The following MAP7D1 variants were observed in gnomAD, a reference collection of about 807,000 sequenced individuals.
The protein encoded by MAP7D1 is MAP7 domain containing 1, also known as MAP7 domain-containing protein 1.
In MAP7D1, 30 loss-of-function variants were observed where a neutral mutation model predicts 97.5. The observed-to-expected ratio is 0.31, with a 90% CI of 0.23 to 0.42. MAP7D1 has a LOEUF of 0.42. MAP7D1 is among the 10% of genes least tolerant of loss of function. MAP7D1 has a pLI of 1.00. For synonymous variants in MAP7D1, 536 were observed against 477.1 expected, an observed-to-expected ratio of 1.12 and a Z score of -1.61; for missense variants, 1,184 against 1,179.5, an observed-to-expected ratio of 1.00 and a Z score of -0.06.
At chr1:36,172,113 A>T (rs937146935) in intron 3 of MAP7D1, 13 of 198,054 alleles carry the variant, frequency 6.6e-5, no homozygotes, top group African/African-American at 3.0e-4. Context: ...TGACATTCAG[A>T]CCCAGAAGCC....
In MAP7D1 at chr1:36,176,292, T is replaced by C. The variant is rs1370704735; in HGVS notation, c.944T>C (p.Val315Ala). 1.9e-6 allele frequency: 3 copies of C among 1,592,474 alleles called. No individual in the cohort carries two copies. The highest frequency in any genetic ancestry group is 2.6e-6 in the Non-Finnish European group (3 of 1,171,940). ...LSFLARSRSA[V>A]TLPRNGRDQG... ...TTCCTTGCTCGGAGTCGCAGCGCGGTCACACTGCCCCGCAACGGCCGGGAC... is the reference window on the plus strand; with the variant it reads ...TTCCTTGCTCGGAGTCGCAGCGCGGCCACACTGCCCCGCAACGGCCGGGAC... The change falls in exon 7 of 17, where the codon GTC becomes GCC. Residue 315 changes from valine (V) to alanine (A), a missense_variant. Transcript: ENST00000474796. This position sits in a 1 kb window ranked among gnomAD's most constrained non-coding sequence, Gnocchi z 6.1.
rs566510162 is a variant in MAP7D1, at chr1:36,167,451, C to G, written c.47-3520C>G. The stretch of plus-strand genomic sequence containing the variant: ...GGTGTCCTTGAGAAGTGCAATGTTG[C>G]AGAGCAGTGGGGGTAAGGCCTGGCT... On this transcript the variant is annotated intron_variant, in intron 1 of 16. Transcript: ENST00000474796. Among the ~76,000 whole-genome samples the G allele has an allele frequency of 3.3e-4, 50 of 152,276 alleles. No individual in the cohort carries two copies. The Middle Eastern group carries it at 0.01, about 31-fold the overall frequency.
In MAP7D1 at chr1:36,172,533, AGCGCCG is replaced by A. The variant is rs1644559698; in HGVS notation, c.539_544del (p.Arg180_Arg181del). ...GCGCTGCGGGAGAAGCAGCTCCAGG[AGCGCCG>A]GCGCCGGCTGGAGGAGCAACGTCTT... On this transcript the variant is annotated inframe_deletion, in exon 4 of 17. Transcript: ENST00000474796. 1 of 1,602,522 alleles carries A rather than the reference AGCGCCG, an allele frequency of 6.2e-7. No homozygotes were observed. The highest frequency in any genetic ancestry group is 8.5e-7 in the Non-Finnish European group (1 of 1,171,694).
At chr1:36,177,830 G>A (rs901076295) in intron 8 of MAP7D1, 43 bp from the exon 9 acceptor site, 6 of 1,521,010 alleles carry the variant, frequency 3.9e-6, no homozygotes, top group African/African-American at 1.4e-5. Flanking sequence ...CAGCGTGTGG[G>A]TGTGTGTGTC....
Position 36,177,984 on chromosome 1 carries a change from C to T in MAP7D1, c.1491C>T (p.Pro497=), listed in dbSNP as rs199802965. The part of the protein sequence containing the change: ...GHTLPPKPPS[P]RGTTASPKGR... ...CTCTGCCTCCAAAGCCACCGTCCCC[C>T]CGAGGCACCACTGCATCCCCCAAGG... The change falls in exon 9 of 17, where the codon CCC becomes CCT. Residue 497 remains proline, a synonymous_variant. Coordinates refer to ENST00000474796, the MANE Select transcript of MAP7D1 (RefSeq NM_001388490.1). The T allele has an allele frequency of 4.0e-5, 65 of 1,610,862 alleles. No homozygotes were observed. The East Asian group carries it at 4.7e-4, about 12-fold the overall frequency.
intron 8 of MAP7D1, 116 bp from the exon 9 acceptor site, chr1:36,177,757 G>T: frequency 7.1e-7 from 1 of 1,417,464 alleles, no homozygotes; most frequent in Non-Finnish European, 9.3e-7. Flanking sequence ...GAGCAAGGGG[G>T]CGGGGGGCGG....
rs61737152 is a variant in MAP7D1 at position 36,176,548 on chromosome 1, C to A, written c.1200C>A (p.Pro400=). ...ERRKPNAGGS[P]APVRRRPEAS... is the part of the protein sequence containing the mutation. ...GCAAGCCCAACGCCGGGGGCAGCCC[C>A]GCTCCGGTGCGCCGCCGGCCGGAGG... The change falls in exon 7 of 17, where the codon CCC becomes CCA. Residue 400 remains proline, a synonymous_variant. Coordinates refer to ENST00000474796, the MANE Select transcript of MAP7D1 (RefSeq NM_001388490.1). This position sits in a 1 kb window ranked among gnomAD's most constrained non-coding sequence, Gnocchi z 6.1. 1.4e-6 allele frequency: 2 copies of A among 1,447,208 alleles called. No individual in the cohort carries two copies. Among genetic ancestry groups the A allele is most frequent in the Non-Finnish European group, 1.8e-6 (2 of 1,099,774 alleles). The allele number at this position is 1,447,208 out of a possible 1,614,324, so 89.6% of individuals were successfully genotyped here.
rs751927791 is a variant in MAP7D1, at chr1:36,178,578, T to C, written c.1868T>C (p.Leu623Pro). ...QREREEQERR[L>P]QAERDKRMRE... ...GAGCGCGAGGAGCAGGAGCGGAGGC[T>C]GCAGGCAGAAAGGGACAAGTGAGTG... Residue 623 changes from leucine to proline, a missense_variant, in exon 10 of 17, where the codon CTG becomes CCG. Physicochemically the swap from Leu to Pro is moderately conservative, Grantham distance 98. Coordinates refer to ENST00000474796, the MANE Select transcript of MAP7D1 (RefSeq NM_001388490.1). 6.3e-7 allele frequency: 1 copy of C among 1,585,150 alleles called. No homozygotes were observed. The highest frequency in any genetic ancestry group is 8.6e-7 in the Non-Finnish European group (1 of 1,167,936).
chr1:36,163,806 A>G (rs1171060740), intron 1 of MAP7D1, among the ~76,000 whole-genome samples: 2 of 138,616 alleles, frequency 1.4e-5, no homozygotes, highest in Admixed American at 7.7e-5. Context: ...ACATAGATAT[A>G]TACTTTTTTT....
At position 36,177,996 on chromosome 1, in the gene MAP7D1, T is replaced by C. The variant is rs149009853; in HGVS notation, c.1503T>C (p.Thr501=). The change falls in exon 9 of 17, where the codon ACT becomes ACC. Residue 501 remains threonine, a synonymous_variant. Coordinates refer to ENST00000474796, the MANE Select transcript of MAP7D1 (RefSeq NM_001388490.1). ...PPKPPSPRGT[T]ASPKGRVRRK... is the part of the protein sequence containing the mutation. ...AGCCACCGTCCCCCCGAGGCACCAC[T>C]GCATCCCCCAAGGGGCGGGTTCGGA... 3 of 1,612,544 alleles carry C rather than the reference T, an allele frequency of 1.9e-6. No homozygotes were observed. Among genetic ancestry groups the C allele is most frequent in the Non-Finnish European group, 2.5e-6 (3 of 1,179,026 alleles).
At chr1:36,173,504 G>A in intron 5 of MAP7D1, 26 bp downstream of exon 5, 1 of 1,537,112 alleles carries the variant, frequency 6.5e-7, no homozygotes, top group Non-Finnish European at 8.9e-7. Context: ...GGGCTGGGGA[G>A]TGGGTGGGCA....
chr1:36,172,896 A>G (rs1020504197), intron 4 of MAP7D1, among the ~76,000 whole-genome samples: 26 of 152,222 alleles, frequency 1.7e-4, no homozygotes, highest in African/African-American at 5.3e-4. Flanking sequence ...ATGTGTCTGT[A>G]TGTATGCAGG....
At chr1:36,170,494 C>A (rs201291894) in intron 1 of MAP7D1, among the ~76,000 whole-genome samples, 1 of 152,104 alleles carries the variant, frequency 6.6e-6, no homozygotes, top group Non-Finnish European at 1.5e-5. Flanking sequence ...GACATGGAAA[C>A]AATCAGTGCA....
At chr1:36,173,272 G>A in intron 4 of MAP7D1, 92 bp from the exon 5 acceptor site, 1 of 874,110 alleles carries the variant, frequency 1.1e-6, no homozygotes, top group Non-Finnish European at 1.9e-6. Flanking sequence ...GGGAGTGGGG[G>A]AGGCATTGTC....
rs371643371 is a variant in MAP7D1, at chr1:36,156,308, T to TGCCGGGCCGG, written c.-97_-88dup. The TGCCGGGCCGG allele has an allele frequency of 3.2e-6, 3 of 937,168 alleles. No individual in the cohort carries two copies. The highest frequency in any genetic ancestry group is 4.3e-6 in the Non-Finnish European group (3 of 695,650). The allele number at this position is 937,168 out of a possible 1,614,324, so 58.1% of individuals were successfully genotyped here. A position where few individuals can be genotyped will look rare whatever the true frequency, so the allele number is the denominator to read the frequency against. ...GCGCCCCCGCCTCCGAGTCGCTACT[T>TGCCGGGCCGG]GCCGGGCCGGGCCGGGCCGGGCGTG... On this transcript the variant is annotated 5_prime_UTR_variant, in exon 1 of 17. Transcript: ENST00000474796.
In MAP7D1 at chr1:36,176,523, G is replaced by A; in HGVS notation, c.1175G>A (p.Arg392His). 3 of 1,384,512 alleles carry A rather than the reference G, an allele frequency of 2.2e-6. No individual in the cohort carries two copies. Among genetic ancestry groups the A allele is most frequent in the South Asian group, 1.5e-5 (1 of 64,988 alleles). The allele number at this position is 1,384,512 out of a possible 1,614,324, so 85.8% of individuals were successfully genotyped here. Residue 392 changes from arginine (R) to histidine (H), a missense_variant, in exon 7 of 17, where the codon CGC (arginine) becomes CAC (histidine). Coordinates refer to ENST00000474796, the MANE Select transcript of MAP7D1 (RefSeq NM_001388490.1). The surrounding 1 kb of genome is among the most constrained non-coding windows in gnomAD (Gnocchi z 6.1). ...CCCGCCGGTGAGCGCGGGGAGCGCC[G>A]CAAGCCCAACGCCGGGGGCAGCCCC... ...CAPAGERGER[R>H]KPNAGGSPAP... is the part of the protein sequence containing the mutation.
At chr1:36,178,268 G>T in intron 9 of MAP7D1, 67 bp downstream of exon 9, 1 of 1,483,092 alleles carries the variant, frequency 6.7e-7, no homozygotes, top group South Asian at 1.3e-5. Context: ...GTGGGGGTGT[G>T]GGCCGCCAGA....
At position 36,176,868 on chromosome 1, in the gene MAP7D1, C is replaced by A. The variant is rs749953753; in HGVS notation, c.1379+26C>A. 28 of 1,544,886 alleles carry A rather than the reference C, an allele frequency of 1.8e-5. No homozygotes were observed. The highest frequency in any genetic ancestry group is 2.3e-5 in the Non-Finnish European group (26 of 1,137,024). On this transcript the variant is annotated intron_variant, in intron 8 of 16. Coordinates refer to ENST00000474796, the MANE Select transcript of MAP7D1 (RefSeq NM_001388490.1). The surrounding 1 kb of genome is among the most constrained non-coding windows in gnomAD (Gnocchi z 6.1). The stretch of plus-strand genomic sequence containing the variant: ...GTGGGCGCGGGCGGTGCGAGGGACC[C>A]TGCCCCTCACCGGGTCATTTATTCA...
At chr1:36,167,376 A>G (rs1372392310) in intron 1 of MAP7D1, among the ~76,000 whole-genome samples, 2 of 152,230 alleles carry the variant, frequency 1.3e-5, no homozygotes, top group Non-Finnish European at 2.9e-5. Context: ...TGGCCAAGGA[A>G]GATGAGGGAT....
Sources: allele counts gnomAD v4.1 joint callset (sites outside exome capture counted in the v4.1 genomes callset), GRCh38; gene constraint gnomAD v4.1.1; non-coding constraint Gnocchi (gnomAD v3.1); transcripts MANE v1.5; gene names NCBI Gene and HGNC (gene_info 2026-07-23, HGNC 2026-07-21).